Variants in TBC1D1 observed in about 807,000 individuals in gnomAD.
TBC1D1 encodes the protein TBC1 (tre-2/USP6, BUB2, cdc16) domain family, member 1.
A neutral mutation model predicts 125.6 loss-of-function variants in TBC1D1; 89 were observed. The observed-to-expected ratio is 0.71, with a 90% CI of 0.60 to 0.85. The LOEUF is 0.85. Among genes scored for constraint, TBC1D1 ranks in the 40% least tolerant of loss-of-function variants. TBC1D1 has a pLI of 0.00. For synonymous variants in TBC1D1, 565 were observed against 564.1 expected, an observed-to-expected ratio of 1.00 and a Z score of -0.02; for missense variants, 1,377 against 1,469.2, an observed-to-expected ratio of 0.94 and a Z score of 1.03.
rs990660788 is a variant in TBC1D1 at position 37,931,461 on chromosome 4, C to T, written c.417+28949C>T. 7.2e-5 allele frequency among the ~76,000 whole-genome samples: 11 copies of T among 151,988 alleles called. 1 individual carries two copies. Among genetic ancestry groups the T allele is most frequent in the Admixed American group, 4.6e-4 (7 of 15,232 alleles). Reference sequence around the variant, plus strand: ...CCTGAGAATGAAGAACTGTTATCCCCACCGTTCCCTGACCTTTTTCCACTC... The same window carrying T: ...CCTGAGAATGAAGAACTGTTATCCCTACCGTTCCCTGACCTTTTTCCACTC... On this transcript the variant is annotated intron_variant, in intron 2 of 19. Coordinates refer to ENST00000261439, the MANE Select transcript of TBC1D1 (RefSeq NM_015173.4).
chr4:38,090,209 C>G, intron 13 of TBC1D1, 92 bp downstream of exon 15: 2 of 1,247,236 alleles, frequency 1.6e-6, no homozygotes, highest in South Asian at 2.6e-5. Flanking sequence ...CTTAAAAATA[C>G]AGCAGCACGA....
intron 2 of TBC1D1, among the ~76,000 whole-genome samples, chr4:37,991,085 A>C (rs1215347259): frequency 6.6e-6 from 1 of 152,104 alleles, no homozygotes; most frequent in Non-Finnish European, 1.5e-5. Flanking sequence ...AAGGTGGTGA[A>C]GGCAGTCACA....
chr4:37,912,924 G>T (rs1452435398), intron 2 of TBC1D1, among the ~76,000 whole-genome samples: 2 of 152,208 alleles, frequency 1.3e-5, no homozygotes, highest in African/African-American at 4.8e-5. Context: ...GTTACTATTA[G>T]AAGCACTGAT....
At chr4:37,961,918 T>C (rs1730135314) in intron 2 of TBC1D1, among the ~76,000 whole-genome samples, 1 of 152,106 alleles carries the variant, frequency 6.6e-6, no homozygotes, top group African/African-American at 2.4e-5. Flanking sequence ...TAGAGAAGAG[T>C]TACAATTTTG....
chr4:38,014,976 A>G lies in TBC1D1; in HGVS notation c.882+3A>G. 1 of 1,527,312 alleles carries G rather than the reference A, an allele frequency of 6.5e-7. No individual in the cohort carries two copies. Among genetic ancestry groups the G allele is most frequent in the Non-Finnish European group, 8.8e-7 (1 of 1,134,980 alleles). The allele number at this position is 1,527,312 out of a possible 1,614,324, so 94.6% of individuals were successfully genotyped here. On this transcript the variant is annotated splice_donor_region_variant and intron_variant, in intron 3 of 19. Coordinates refer to ENST00000261439, the MANE Select transcript of TBC1D1 (RefSeq NM_015173.4). The surrounding 1 kb of genome is among the most constrained non-coding windows in gnomAD (Gnocchi z 5.1). ...AAAATCGAACTATGCTCTTCACGGT[A>G]AAATATCACCCAGCTCGTGCACAGC...
At chr4:37,911,904 G>A (rs890312939) in intron 2 of TBC1D1, among the ~76,000 whole-genome samples, 34 of 152,182 alleles carry the variant, frequency 2.2e-4, no homozygotes, top group African/African-American at 7.2e-4. Flanking sequence ...AAAGCTTCAT[G>A]TACAAAAAGC....
intron 15 of TBC1D1, among the ~76,000 whole-genome samples, chr4:38,107,142 C>G (rs1761445973): frequency 6.6e-6 from 1 of 152,218 alleles, no homozygotes; most frequent in Non-Finnish European, 1.5e-5. Context: ...TCTCTCCAGG[C>G]TTTTTCCAGG....
intron 2 of TBC1D1, among the ~76,000 whole-genome samples, chr4:37,930,573 TGCCTCA>T (rs777611314): frequency 8.5e-5 from 13 of 152,170 alleles, no homozygotes; most frequent in Non-Finnish European, 1.6e-4. Context: ...GTGATCCTCC[TGCCTCA>T]GCCTCCTGAG....
intron 15 of TBC1D1, chr4:38,111,976 G>A (rs1187387361): frequency 7.1e-6 from 7 of 985,294 alleles, no homozygotes; most frequent in African/African-American, 1.7e-5. Flanking sequence ...TTGCATTTGG[G>A]AGTCTCATAG....
Position 38,049,726 on chromosome 4 carries a change from G to T in TBC1D1, c.1738G>T (p.Glu580Ter). 6.2e-7 allele frequency: 1 copy of T among 1,614,112 alleles called. No individual in the cohort carries two copies. The highest frequency in any genetic ancestry group is 8.5e-7 in the Non-Finnish European group (1 of 1,180,006). Reference sequence around the variant, plus strand: ...TGACTCGGAGAGTCATCTCCCAGAAGAGCCAGCTCCGCTGTCGCCCCAGCA... The same window carrying T: ...TGACTCGGAGAGTCATCTCCCAGAATAGCCAGCTCCGCTGTCGCCCCAGCA... The change falls in exon 11 of 20, where the codon GAG becomes TAG. Residue 580 changes from glutamate (E) to a stop codon, truncating the protein, a stop_gained. Transcript: ENST00000261439. LOFTEE classifies it high-confidence loss of function.
intron 15 of TBC1D1, among the ~76,000 whole-genome samples, chr4:38,109,565 C>G (rs1761901394): frequency 1.3e-5 from 2 of 152,226 alleles, no homozygotes; most frequent in South Asian, 4.2e-4. Context: ...CCTCCCACAC[C>G]CCATTTTAAA....
intron 2 of TBC1D1, among the ~76,000 whole-genome samples, chr4:37,955,586 C>T (rs898748206): frequency 1.3e-5 from 2 of 152,210 alleles, no homozygotes; most frequent in African/African-American, 4.8e-5. Context: ...AGTACAGACA[C>T]AACCATCCTT....
At chr4:38,061,245 C>T (rs1038810200) in intron 12 of TBC1D1, among the ~76,000 whole-genome samples, 3 of 151,914 alleles carry the variant, frequency 2.0e-5, no homozygotes, top group South Asian at 2.1e-4. Context: ...ACAGTGTGGG[C>T]GTTTGTTTTC....
chr4:37,974,563 T>C (rs922280211), intron 2 of TBC1D1, among the ~76,000 whole-genome samples: 1 of 150,710 alleles, frequency 6.6e-6, no homozygotes, highest in Non-Finnish European at 1.5e-5. Flanking sequence ...ACTTTCTCCA[T>C]GCTGTTTTTT....
intron 12 of TBC1D1, among the ~76,000 whole-genome samples, chr4:38,079,825 A>G (rs1756247134): frequency 6.6e-6 from 1 of 152,224 alleles, no homozygotes; most frequent in Non-Finnish European, 1.5e-5. Flanking sequence ...TTAATTTAAA[A>G]CAATGTATTT....
rs752946810 is a variant in TBC1D1, at chr4:38,054,334, T to C, written c.2046T>C (p.Tyr682=). The C allele has an allele frequency of 1.6e-5, 26 of 1,613,876 alleles. No individual in the cohort carries two copies. The highest frequency in any genetic ancestry group is 1.6e-4 in the Middle Eastern group (1 of 6,072). Residue 682 remains tyrosine (Y), a synonymous_variant, in exon 12 of 20, where the codon TAT becomes TAC. Coordinates refer to ENST00000261439, the MANE Select transcript of TBC1D1 (RefSeq NM_015173.4). The stretch of plus-strand genomic sequence containing the variant: ...AGGCGTGCGATTCTTCCAGCAGATA[T>C]GAAGGTAAGGCCGGTACCTGAAATG...
At chr4:38,105,108 C>T (rs1761081308) in intron 15 of TBC1D1, among the ~76,000 whole-genome samples, 1 of 152,090 alleles carries the variant, frequency 6.6e-6, no homozygotes. Context: ...CTTTCCCTGA[C>T]TGTGGTCTCC....
chr4:37,908,055 A>T (rs892391017), intron 2 of TBC1D1, among the ~76,000 whole-genome samples: 4 of 152,156 alleles, frequency 2.6e-5, no homozygotes, highest in African/African-American at 7.2e-5. Flanking sequence ...GTTTTACATC[A>T]GTCAAAGGAA....
intron 15 of TBC1D1, chr4:38,110,223 G>C: frequency 1.0e-6 from 1 of 985,436 alleles, no homozygotes. Context: ...TCTTGAGATG[G>C]GATGGGGTTT....
Sources: allele counts gnomAD v4.1 joint callset (sites outside exome capture counted in the v4.1 genomes callset), GRCh38; gene constraint gnomAD v4.1.1; non-coding constraint Gnocchi (gnomAD v3.1); transcripts MANE v1.5; gene names NCBI Gene and HGNC (gene_info 2026-07-23, HGNC 2026-07-21).